ACSS1: variants seen among roughly 807,000 people sequenced by gnomAD.
ACSS1 encodes acetyl-coenzyme A synthetase 2-like, mitochondrial.
ACSS1 carries 42 observed loss-of-function variants against 75.3 expected under a neutral mutation model. That is an observed-to-expected ratio of 0.56 (90% CI 0.44 to 0.72). The LOEUF is 0.72. Among genes scored for constraint, ACSS1 ranks in the 30% least tolerant of loss-of-function variants. The probability of loss-of-function intolerance (pLI) is 0.00; values close to 1 mark genes in which losing one functional copy is unlikely to be tolerated. For synonymous variants in ACSS1, 380 were observed against 376.8 expected (o/e 1.01, Z -0.10); for missense variants, 782 against 935.7 (o/e 0.84, Z 2.14).
chr20:25,056,508 A>G (rs1436490276), intron 1 of ACSS1, among the ~76,000 whole-genome samples: 2 of 152,196 alleles, frequency 1.3e-5, no homozygotes, highest in Non-Finnish European at 2.9e-5. Flanking sequence ...ACTGCAAGAC[A>G]CTATCTATAA....
chr20:25,045,122 G>C (rs2089065731), intron 2 of ACSS1, among the ~76,000 whole-genome samples: 1 of 152,230 alleles, frequency 6.6e-6, no homozygotes, highest in Non-Finnish European at 1.5e-5. Context: ...ATTCTTACTT[G>C]CTAGTGCGTT....
In ACSS1 at chr20:25,032,472, C is replaced by T. The variant is rs1382088409; in HGVS notation, c.432-1514G>A. On this transcript the variant is annotated intron_variant, in intron 2 of 13. Coordinates refer to ENST00000323482, the MANE Select transcript of ACSS1 (RefSeq NM_032501.4). ...CTGGACCTGGCAATTGCATTAACCACTTTCCCACTCTTGCTGTACTGACTT... is the reference window on the plus strand; with the variant it reads ...CTGGACCTGGCAATTGCATTAACCATTTTCCCACTCTTGCTGTACTGACTT... The T allele has an allele frequency of 3.8e-6, 5 of 1,320,724 alleles. No individual in the cohort carries two copies. In the African/African-American group the frequency reaches 7.5e-5, roughly 20 times the overall value. 81.8% of individuals were successfully genotyped at this position (1,320,724 alleles called of 1,614,324 possible).
At chr20:25,042,908 C>T (rs2089026723) in intron 2 of ACSS1, among the ~76,000 whole-genome samples, 1 of 152,214 alleles carries the variant, frequency 6.6e-6, no homozygotes, top group Non-Finnish European at 1.5e-5. Flanking sequence ...ATGCCCCTCT[C>T]CACGCCCAGC....
intron 2 of ACSS1, among the ~76,000 whole-genome samples, chr20:25,044,003 A>AG (rs1327691639): frequency 6.6e-6 from 1 of 152,178 alleles, no homozygotes; most frequent in Non-Finnish European, 1.5e-5. Context: ...GAGGCTCTGC[A>AG]GGCACCCCCA....
In ACSS1 at chr20:25,021,448, G is replaced by A. The variant is rs1199863972; in HGVS notation, c.1049C>T (p.Pro350Leu). 1 of 1,614,246 alleles carries A rather than the reference G, an allele frequency of 6.2e-7. No individual in the cohort carries two copies. The highest frequency in any genetic ancestry group is 1.1e-5 in the South Asian group (1 of 91,090). Residue 350 changes from proline to leucine, a missense_variant, in exon 6 of 14, where the codon CCT (proline) becomes CTT (leucine). Pro to Leu is a moderately conservative substitution (Grantham distance 98, BLOSUM62 -3). Coordinates refer to ENST00000323482, the MANE Select transcript of ACSS1 (RefSeq NM_032501.4). ...ITGHSYVVYG[P>L]LCNGATSVLF... ...GACGCTGGTGGCACCATTGCAGAGAGGCCCATACACCACGTAGCTGTGTCC... is the reference window on the plus strand; with the variant it reads ...GACGCTGGTGGCACCATTGCAGAGAAGCCCATACACCACGTAGCTGTGTCC...
At chr20:25,044,514 G>C (rs2089055055) in intron 2 of ACSS1, among the ~76,000 whole-genome samples, 1 of 152,212 alleles carries the variant, frequency 6.6e-6, no homozygotes, top group South Asian at 2.1e-4. Flanking sequence ...TTGGGAGGCT[G>C]AGGCAGGAGA....
At chr20:25,056,747 C>G (rs1183373360) in intron 1 of ACSS1, among the ~76,000 whole-genome samples, 1 of 152,162 alleles carries the variant, frequency 6.6e-6, no homozygotes, top group Non-Finnish European at 1.5e-5. Flanking sequence ...CCCGCAGGTC[C>G]TTTCTTAAAC....
intron 10 of ACSS1, 146 bp downstream of exon 10, chr20:25,013,390 G>A: frequency 1.9e-6 from 2 of 1,037,524 alleles, no homozygotes; most frequent in East Asian, 2.7e-5. Flanking sequence ...AGGGAGAGGG[G>A]TGCGGAGTCA....
intron 2 of ACSS1, chr20:25,046,793 C>T: frequency 1.3e-6 from 1 of 779,642 alleles, no homozygotes; most frequent in Non-Finnish European, 2.4e-6. Context: ...GGGGGCCGCT[C>T]AGTTGTCCAG....
intron 3 of ACSS1, among the ~76,000 whole-genome samples, chr20:25,026,181 C>T (rs1194298152): frequency 6.6e-6 from 1 of 152,188 alleles, no homozygotes; most frequent in African/African-American, 2.4e-5. Context: ...GGTGGCTGCC[C>T]AGACATGTGA....
chr20:25,036,996 A>G (rs200922959), intron 2 of ACSS1, among the ~76,000 whole-genome samples: 990 of 78,972 alleles, frequency 0.013, 19 homozygotes, highest in African/African-American at 0.048. Context: ...AAAGAAAGAA[A>G]GAAGAAAGAA....
chr20:25,044,280 C>A (rs574360818), intron 2 of ACSS1, among the ~76,000 whole-genome samples: 3 of 152,204 alleles, frequency 2.0e-5, no homozygotes, highest in South Asian at 4.1e-4. Flanking sequence ...ATGGCCACCC[C>A]CCAGGGTCTC....
intron 2 of ACSS1, among the ~76,000 whole-genome samples, chr20:25,039,695 C>T (rs6115009): frequency 6.6e-6 from 1 of 152,194 alleles, no homozygotes; most frequent in South Asian, 2.1e-4. Flanking sequence ...TCTCCTCTAA[C>T]CAGAGCCCAG....
In ACSS1 at chr20:25,020,089, C is replaced by A; in HGVS notation, c.1167G>T (p.Thr389=). The A allele has an allele frequency of 1.2e-6, 2 of 1,614,226 alleles. No individual in the cohort carries two copies. The change falls in exon 7 of 14, where the codon ACG becomes ACT. Residue 389 remains threonine, a synonymous_variant. Transcript: ENST00000323482. ...LKINQFYGAP[T]AVRLLLKYGD... ...CGTATTTCAGCAACAGCCGGACAGC[C>A]GTTGGGGCGCCATAGAACTGATTGA...
rs776695817 is a variant in ACSS1, at chr20:25,057,881, C to G, written c.222G>C (p.Gly74=). The change falls in exon 1 of 14, where the codon GGG becomes GGC. Residue 74 remains glycine (G), a synonymous_variant. Transcript: ENST00000323482. ...QAAREPAAFW[G]PLARDTLVWD... ...ACACGAGAGTGTCCCGCGCCAGAGG[C>G]CCCCAGAAGGCGGCCGGCTCCCGGG... 1 of 1,612,548 alleles carries G rather than the reference C, an allele frequency of 6.2e-7. No individual in the cohort carries two copies. The highest frequency in any genetic ancestry group is 1.1e-5 in the South Asian group (1 of 91,000).
intron 2 of ACSS1, among the ~76,000 whole-genome samples, chr20:25,036,444 C>A (rs1367636904): frequency 7.2e-5 from 11 of 151,872 alleles, no homozygotes; most frequent in African/African-American, 2.7e-4. Flanking sequence ...CCCCACCCCC[C>A]GCCTCAGAAT....
intron 2 of ACSS1, chr20:25,046,490 G>C: frequency 8.2e-6 from 3 of 367,958 alleles, no homozygotes; most frequent in Non-Finnish European, 1.5e-5. Flanking sequence ...GCCTGCCCCA[G>C]GGTCCAGGCA....
intron 3 of ACSS1, among the ~76,000 whole-genome samples, chr20:25,026,138 G>C (rs971594733): frequency 7.9e-5 from 12 of 152,310 alleles, no homozygotes; most frequent in Admixed American, 7.2e-4. Context: ...CCAGGCCAGG[G>C]GACTGAACTC....
rs949722636 is a variant in ACSS1, at chr20:25,057,999, C to G, written c.104G>C (p.Arg35Pro). The change falls in exon 1 of 14, where the codon CGC becomes CCC. Residue 35 changes from arginine (R) to proline (P), a missense_variant. Arg to Pro is a moderately radical substitution (Grantham distance 103). Transcript: ENST00000323482. ...GCCCGAGGGTCCCGAGGCCGCCCTG[C>G]GCGGCGCGCTCACCCCGCACGGCGG... ...ARPPCGVSAPRRAASGPSGSA... is the reference protein window; with the variant it reads ...ARPPCGVSAPPRAASGPSGSA... 2 of 1,499,088 alleles carry G rather than the reference C, an allele frequency of 1.3e-6. No individual in the cohort carries two copies. The highest frequency in any genetic ancestry group is 1.8e-6 in the Non-Finnish European group (2 of 1,125,202). The allele number at this position is 1,499,088 out of a possible 1,614,324, so 92.9% of individuals were successfully genotyped here. A position where few individuals can be genotyped will look rare whatever the true frequency, so the allele number is the denominator to read the frequency against.
Sources: allele counts gnomAD v4.1 joint callset (sites outside exome capture counted in the v4.1 genomes callset), GRCh38; gene constraint gnomAD v4.1.1; transcripts MANE v1.5; gene names NCBI Gene and HGNC (gene_info 2026-07-23, HGNC 2026-07-21).